The following MCMBP variants were observed in gnomAD, a reference collection of about 807,000 sequenced individuals.
The protein encoded by MCMBP is minichromosome maintenance complex binding protein.
A neutral mutation model predicts 81.3 loss-of-function variants in MCMBP; 31 were observed. The observed-to-expected ratio is 0.38, with a 90% CI of 0.29 to 0.51. The LOEUF (loss-of-function observed/expected upper bound fraction) is 0.51, where lower values mean the gene tolerates loss of function less well. Ranked by LOEUF, MCMBP falls within the 20% of genes least tolerant of loss-of-function variation. MCMBP has a pLI of 0.87. For missense variants in MCMBP, 645 were observed against 772.1 expected (o/e 0.84, Z 1.95); for synonymous variants, 267 against 275.9 (o/e 0.97, Z 0.32).
At position 119,831,866 on chromosome 10, in the gene MCMBP, C is replaced by T. The variant is rs187989025; in HGVS notation, c.1796+146G>A. ...AAGAGATCACCAGCCAAACTCGATT[C>T]CCCCTCAATGAGCCCTTTCATACAG... On this transcript the variant is annotated intron_variant, in intron 15 of 15. Transcript: ENST00000369077. 1,775 of 826,994 alleles carry T rather than the reference C, an allele frequency of 2.1e-3. 4 individuals are homozygous for T. The highest frequency in any genetic ancestry group is 2.8e-3 in the Non-Finnish European group (1,498 of 537,348). The allele number at this position is 826,994 out of a possible 1,614,324, so 51.2% of individuals were successfully genotyped here. A position where few individuals can be genotyped will look rare whatever the true frequency, so the allele number is the denominator to read the frequency against.
intron 7 of MCMBP, among the ~76,000 whole-genome samples, chr10:119,848,103 A>G (rs185760207): frequency 1.3e-5 from 2 of 152,226 alleles, no homozygotes; most frequent in East Asian, 3.9e-4. Flanking sequence ...CTTTGCATTT[A>G]TTCATAAACT....
chr10:119,858,402 C>T (rs1007282867), intron 4 of MCMBP, among the ~76,000 whole-genome samples: 1 of 152,166 alleles, frequency 6.6e-6, no homozygotes, highest in Non-Finnish European at 1.5e-5. Context: ...GTCCTTTCCA[C>T]TTCTTAGAGT....
intron 1 of MCMBP, among the ~76,000 whole-genome samples, chr10:119,861,212 G>A (rs1026804085): frequency 6.6e-6 from 1 of 152,194 alleles, no homozygotes; most frequent in Non-Finnish European, 1.5e-5. Context: ...GTTTGAGCAG[G>A]ACTTCCAAAC....
In MCMBP at chr10:119,857,424, C is replaced by T. The variant is rs776223192; in HGVS notation, c.343G>A (p.Asp115Asn). 3.1e-6 allele frequency: 5 copies of T among 1,607,592 alleles called. No homozygotes were observed. Among genetic ancestry groups the T allele is most frequent in the Non-Finnish European group, 3.4e-6 (4 of 1,175,864 alleles). Reference protein sequence around the residue: ...VAECGPQQELDLNSPRNTTLE... With the variant: ...VAECGPQQELNLNSPRNTTLE... ...GTGGTATTTCGTGGAGAGTTTAAAT[C>T]AAGTTCTTGTTGAGGCTGTGATATA... The change falls in exon 5 of 16, where the codon GAT (aspartate) becomes AAT (asparagine). Residue 115 changes from aspartate to asparagine, a missense_variant. Transcript: ENST00000369077.
At chr10:119,848,285 C>T (rs992056260) in intron 7 of MCMBP, among the ~76,000 whole-genome samples, 1 of 152,092 alleles carries the variant, frequency 6.6e-6, no homozygotes, top group Non-Finnish European at 1.5e-5. Context: ...ATTTTGGTCC[C>T]TGTGCCATAT....
intron 7 of MCMBP, among the ~76,000 whole-genome samples, chr10:119,848,403 G>C (rs944247105): frequency 2.0e-5 from 3 of 152,126 alleles, no homozygotes; most frequent in Non-Finnish European, 4.4e-5. Flanking sequence ...CTTGAGGTCA[G>C]GAGTTCGAGA....
At chr10:119,861,035 C>T (rs868862021) in intron 1 of MCMBP, among the ~76,000 whole-genome samples, 8 of 152,290 alleles carry the variant, frequency 5.3e-5, no homozygotes, top group Middle Eastern at 3.4e-3. Flanking sequence ...GAGCTATTGA[C>T]GGAATACAGA....
At chr10:119,862,319 C>A (rs1310113765) in intron 1 of MCMBP, among the ~76,000 whole-genome samples, 2 of 152,012 alleles carry the variant, frequency 1.3e-5, no homozygotes, top group African/African-American at 4.8e-5. Flanking sequence ...CCCCACACCA[C>A]CTCCTCCACC....
chr10:119,859,624 T>C (rs926042885), intron 2 of MCMBP, among the ~76,000 whole-genome samples, 175 bp downstream of exon 2: 2 of 152,190 alleles, frequency 1.3e-5, no homozygotes, highest in African/African-American at 4.8e-5. Context: ...GTATAAGTAT[T>C]TACATGCTTA....
intron 1 of MCMBP, among the ~76,000 whole-genome samples, chr10:119,862,477 CT>C (rs1295583965): frequency 6.6e-6 from 1 of 152,208 alleles, no homozygotes; most frequent in African/African-American, 2.4e-5. Flanking sequence ...CCTAGTAAAT[CT>C]TCAAGCATAT....
At chr10:119,856,759 C>T (rs1003309426) in intron 5 of MCMBP, among the ~76,000 whole-genome samples, 1 of 152,152 alleles carries the variant, frequency 6.6e-6, no homozygotes, top group African/African-American at 2.4e-5. Flanking sequence ...ACGTTGTCTT[C>T]CCTTAATTAG....
chr10:119,838,897 A>C (rs1256138495), intron 11 of MCMBP, among the ~76,000 whole-genome samples, 197 bp from the exon 12 acceptor site: 1 of 152,216 alleles, frequency 6.6e-6, no homozygotes, highest in Non-Finnish European at 1.5e-5. Context: ...CCATTTTATG[A>C]GCTACTTTAT....
At chr10:119,856,328 T>G (rs1284773492) in intron 5 of MCMBP, among the ~76,000 whole-genome samples, 1 of 152,214 alleles carries the variant, frequency 6.6e-6, no homozygotes, top group Non-Finnish European at 1.5e-5. Flanking sequence ...ATAACCTAAA[T>G]GCTCAATTGG....
chr10:119,838,505 G>A, intron 12 of MCMBP, 30 bp downstream of exon 12: 1 of 1,591,510 alleles, frequency 6.3e-7, no homozygotes, highest in Non-Finnish European at 8.6e-7. Context: ...AAGGAAGTCA[G>A]AAATGGAAGA....
At position 119,872,513 on chromosome 10, in the gene MCMBP, G is replaced by A. The variant is rs545822972; in HGVS notation, c.58+14C>T. On this transcript the variant is annotated intron_variant, in intron 1 of 15. Transcript: ENST00000369077. The stretch of plus-strand genomic sequence containing the variant: ...GGCTGCCCGCCCGGCCCGCCCCCCG[G>A]CGCCGCCACTCACCGAAGAATCCCT... 29 of 1,182,804 alleles carry A rather than the reference G, an allele frequency of 2.5e-5. No homozygotes were observed. The highest frequency in any genetic ancestry group is 1.9e-4 in the African/African-American group (12 of 61,664). The allele number at this position is 1,182,804 out of a possible 1,614,324, so 73.3% of individuals were successfully genotyped here.
intron 1 of MCMBP, among the ~76,000 whole-genome samples, chr10:119,860,821 A>ATGTTGTCAAACTAC (rs1853229863): frequency 6.6e-6 from 1 of 152,212 alleles, no homozygotes. Context: ...TGTTTAAACA[A>ATGTTGTCAAACTAC]TGTTGTCAAA....
At chr10:119,834,678 C>A (rs1372347073) in intron 14 of MCMBP, among the ~76,000 whole-genome samples, 2 of 150,724 alleles carry the variant, frequency 1.3e-5, no homozygotes, top group Non-Finnish European at 3.0e-5. Flanking sequence ...ACACACACAC[C>A]CAAACAAAAC....
chr10:119,843,518 A>C, intron 8 of MCMBP, 92 bp from the exon 9 acceptor site: 1 of 1,262,672 alleles, frequency 7.9e-7, no homozygotes, highest in Admixed American at 2.3e-5. Flanking sequence ...ATTAGAGTTA[A>C]AGCCAAGAAT....
At chr10:119,845,151 T>C (rs569731084) in intron 8 of MCMBP, among the ~76,000 whole-genome samples, 3 of 152,316 alleles carry the variant, frequency 2.0e-5, no homozygotes, top group South Asian at 2.1e-4. Flanking sequence ...CAATCAGAAA[T>C]TGCCAAGATG....
Sources: gnomAD v4.1 joint callset for allele counts (sites outside exome capture counted in the v4.1 genomes callset) on GRCh38, gnomAD v4.1.1 for gene constraint, MANE v1.5 for transcripts, NCBI Gene and HGNC (gene_info 2026-07-23, HGNC 2026-07-21) for gene names.